Variants in UBXN4 observed in about 807,000 individuals in gnomAD.
UBXN4 encodes UBX domain protein 4, also known as UBX domain-containing protein 4.
UBXN4 carries 35 observed loss-of-function variants against 66.2 expected under a neutral mutation model. The ratio of observed to expected loss-of-function variants is 0.53; its 90% confidence interval spans 0.40 to 0.70. The LOEUF (loss-of-function observed/expected upper bound fraction) is 0.70. Ranked by LOEUF, UBXN4 falls within the 30% of genes least tolerant of loss-of-function variation. The pLI, the probability that UBXN4 is intolerant of heterozygous loss-of-function variation, is 0.00. For missense variants in UBXN4, 533 were observed against 599.8 expected, an observed-to-expected ratio of 0.89 and a Z score of 1.16; for synonymous variants, 203 against 204.5, an observed-to-expected ratio of 0.99 and a Z score of 0.06.
intron 3 of UBXN4, 154 bp downstream of exon 3, chr2:135,753,721 ATGT>A (rs1379324825): frequency 1.5e-6 from 1 of 660,520 alleles, no homozygotes. Context: ...TTTAAAAAAA[ATGT>A]TATTATAGGA....
At chr2:135,768,151 G>A (rs958868264) in intron 6 of UBXN4, among the ~76,000 whole-genome samples, 2 of 152,072 alleles carry the variant, frequency 1.3e-5, no homozygotes, top group African/African-American at 2.4e-5. Flanking sequence ...TCACAAGGTT[G>A]TGCATCCACT....
chr2:135,774,905 A>G (rs1575323289), intron 9 of UBXN4, among the ~76,000 whole-genome samples: 1 of 152,162 alleles, frequency 6.6e-6, no homozygotes, highest in South Asian at 2.1e-4. Context: ...TGCAAATCAT[A>G]TATTTGATGA....
chr2:135,771,010 G>A (rs938536958), intron 8 of UBXN4, among the ~76,000 whole-genome samples: 15 of 143,418 alleles, frequency 1.0e-4, no homozygotes, highest in Non-Finnish European at 4.5e-5. Flanking sequence ...AATAAGCTAA[G>A]TACTAGTACC....
rs1452748646 is a variant in UBXN4, at chr2:135,782,744, A to G, written c.1389-5A>G. 4 of 1,608,724 alleles carry G rather than the reference A, an allele frequency of 2.5e-6. No homozygotes were observed. Among genetic ancestry groups the G allele is most frequent in the Admixed American group, 1.7e-5 (1 of 58,132 alleles). ...CTTCCCCTTGCTCCCTCTTTTTCGT[A>G]TCAGGGAACCAGTGAGAAAAAGAGT... On this transcript the variant is annotated splice_region_variant and splice_polypyrimidine_tract_variant and intron_variant, in intron 12 of 12. Coordinates refer to ENST00000272638, the MANE Select transcript of UBXN4 (RefSeq NM_014607.4).
chr2:135,770,187 G>A (rs1037180891), intron 7 of UBXN4, among the ~76,000 whole-genome samples: 2 of 152,068 alleles, frequency 1.3e-5, no homozygotes, highest in African/African-American at 4.8e-5. Context: ...AAGCATTCTA[G>A]CACATGGTTC....
intron 6 of UBXN4, among the ~76,000 whole-genome samples, chr2:135,764,663 C>T (rs972916689): frequency 2.0e-5 from 3 of 152,054 alleles, no homozygotes; most frequent in East Asian, 1.9e-4. Context: ...CCACCACACC[C>T]GGCTAATTTT....
At chr2:135,771,885 C>A (rs187273104) in intron 8 of UBXN4, among the ~76,000 whole-genome samples, 1 of 152,226 alleles carries the variant, frequency 6.6e-6, no homozygotes, top group Non-Finnish European at 1.5e-5. Flanking sequence ...TATTATGTAC[C>A]AGACCTTGTT....
At chr2:135,770,806 CTG>C (rs1236452392) in intron 8 of UBXN4, 71 bp downstream of exon 8, 3 of 1,312,526 alleles carry the variant, frequency 2.3e-6, no homozygotes, top group Admixed American at 3.2e-5. Context: ...TACTACCAGA[CTG>C]TGCACACAAA....
intron 6 of UBXN4, among the ~76,000 whole-genome samples, chr2:135,766,584 C>G (rs1179159555): frequency 1.3e-5 from 2 of 152,212 alleles, no homozygotes; most frequent in African/African-American, 2.4e-5. Context: ...GTTGTTTCTA[C>G]AATGTCCTTT....
At chr2:135,753,899 C>T (rs1284626243) in intron 3 of UBXN4, 3 of 457,544 alleles carry the variant, frequency 6.6e-6, no homozygotes, top group Non-Finnish European at 1.1e-5. Flanking sequence ...CAAGAGGCAG[C>T]TGGCAGCAAG....
At position 135,773,649 on chromosome 2, in the gene UBXN4, G is replaced by A. The variant is rs928325600; in HGVS notation, c.950+1102G>A. Among the ~76,000 whole-genome samples the A allele has an allele frequency of 9.2e-5, 14 of 152,156 alleles. No individual in the cohort carries two copies. In the East Asian group the frequency reaches 2.7e-3, roughly 29 times the overall value. ...GCAGTTCCCAAAACAAAAATATGTT[G>A]AAAAGACAAAAAAAGTTTAGATTTC... On this transcript the variant is annotated intron_variant, in intron 9 of 12. Coordinates refer to ENST00000272638, the MANE Select transcript of UBXN4 (RefSeq NM_014607.4).
intron 6 of UBXN4, among the ~76,000 whole-genome samples, chr2:135,762,484 G>A (rs1232730062): frequency 6.6e-6 from 1 of 152,136 alleles, no homozygotes; most frequent in Non-Finnish European, 1.5e-5. Flanking sequence ...TTTAGCGTTA[G>A]TTATATGGAA....
In UBXN4 at chr2:135,772,549, T is replaced by C; in HGVS notation, c.950+2T>C. ...GGAATCTTATGCAAGAGAAAGAAGG[T>C]ACTATATTTCATGCTGAAACATCTC... On this transcript the variant is annotated splice_donor_variant, in intron 9 of 12. Coordinates refer to ENST00000272638, the MANE Select transcript of UBXN4 (RefSeq NM_014607.4). LOFTEE classifies it high-confidence loss of function. 1.2e-6 allele frequency: 2 copies of C among 1,613,198 alleles called. No individual in the cohort carries two copies. Among genetic ancestry groups the C allele is most frequent in the Non-Finnish European group, 1.7e-6 (2 of 1,179,444 alleles).
chr2:135,751,104 C>A (rs2077238650), intron 2 of UBXN4, among the ~76,000 whole-genome samples: 2 of 150,618 alleles, frequency 1.3e-5, no homozygotes, highest in Non-Finnish European at 2.9e-5. Flanking sequence ...CCGCCCGCCT[C>A]AGCCTCCCAA....
At chr2:135,746,149 G>A (rs995511059) in intron 1 of UBXN4, among the ~76,000 whole-genome samples, 5 of 151,920 alleles carry the variant, frequency 3.3e-5, no homozygotes, top group African/African-American at 7.3e-5. Context: ...GTGAGCCACC[G>A]TGCCCGACCC....
At position 135,772,416 on chromosome 2, in the gene UBXN4, A is replaced by G. The variant is rs1559542840; in HGVS notation, c.823-4A>G. ...GGTAATTGGTATTTAATGATGTTTTAAAGGACCGTGCAGAGAGAGCTGCTC... is the reference window on the plus strand; with the variant it reads ...GGTAATTGGTATTTAATGATGTTTTGAAGGACCGTGCAGAGAGAGCTGCTC... On this transcript the variant is annotated splice_region_variant and splice_polypyrimidine_tract_variant and intron_variant, in intron 8 of 12. Transcript: ENST00000272638. 6.2e-7 allele frequency: 1 copy of G among 1,613,500 alleles called. No homozygotes were observed. Among genetic ancestry groups the G allele is most frequent in the Non-Finnish European group, 8.5e-7 (1 of 1,179,540 alleles).
intron 2 of UBXN4, among the ~76,000 whole-genome samples, chr2:135,749,637 T>C (rs1454309899): frequency 6.6e-6 from 1 of 152,212 alleles, no homozygotes; most frequent in Non-Finnish European, 1.5e-5. Flanking sequence ...AGTATAAGTA[T>C]TGTTAATTTT....
At chr2:135,745,538 A>G (rs1305245345) in intron 1 of UBXN4, among the ~76,000 whole-genome samples, 1 of 152,200 alleles carries the variant, frequency 6.6e-6, no homozygotes, top group Non-Finnish European at 1.5e-5. Context: ...CATTTGGTTT[A>G]TATTTAGTAT....
rs1222064622 is a variant in UBXN4 at position 135,754,155 on chromosome 2, A to G, written c.215-4A>G. ...GAATTGTTAGACTTCATTAAACTGT[A>G]CAGATCCTGTAGTGTGTGTTCCATC... On this transcript the variant is annotated splice_polypyrimidine_tract_variant and splice_region_variant and intron_variant, in intron 3 of 12. Transcript: ENST00000272638. The G allele has an allele frequency of 2.5e-6, 4 of 1,605,220 alleles. No individual in the cohort carries two copies. The highest frequency in any genetic ancestry group is 3.4e-6 in the Non-Finnish European group (4 of 1,172,668).
Sources: allele counts gnomAD v4.1 joint callset (sites outside exome capture counted in the v4.1 genomes callset), GRCh38; gene constraint gnomAD v4.1.1; transcripts MANE v1.5; gene names NCBI Gene and HGNC (gene_info 2026-07-23, HGNC 2026-07-21).